The following CACNA1E variants were observed in gnomAD, a reference collection of about 807,000 sequenced individuals.
The protein encoded by CACNA1E is calcium voltage-gated channel subunit alpha1 E.
In CACNA1E, 40 loss-of-function variants were observed where a neutral mutation model predicts 259.2. The ratio of observed to expected loss-of-function variants is 0.15; its 90% confidence interval spans 0.12 to 0.20. CACNA1E has a LOEUF of 0.20. CACNA1E is among the 10% of genes least tolerant of loss of function. CACNA1E has a pLI of 1.00. For synonymous variants in CACNA1E, 1,104 were observed against 1,138.5 expected, an observed-to-expected ratio of 0.97 and a Z score of 0.61; for missense variants, 1,874 against 3,040.1, an observed-to-expected ratio of 0.62 and a Z score of 9.02.
chr1:181,724,447 C>T (rs541302390), intron 16 of CACNA1E, 23 bp from the exon 17 acceptor site: 12 of 1,605,472 alleles, frequency 7.5e-6, no homozygotes, highest in Middle Eastern at 1.7e-4. Flanking sequence ...TCTTATTTGC[C>T]CATCCTTAAT....
At chr1:181,528,155 G>A (rs1323163914) in intron 3 of CACNA1E, among the ~76,000 whole-genome samples, 1 of 149,338 alleles carries the variant, frequency 6.7e-6, no homozygotes, top group African/African-American at 2.5e-5. Flanking sequence ...GGTGGGGGGG[G>A]CAGTAATTGA....
intron 1 of CACNA1E, among the ~76,000 whole-genome samples, chr1:181,401,823 T>TA (rs1272091514): frequency 6.6e-6 from 1 of 152,232 alleles, no homozygotes; most frequent in South Asian, 2.1e-4. Flanking sequence ...TTATGCCTGC[T>TA]AGCAGAGGCC....
chr1:181,566,476 G>A (rs1302058190), intron 3 of CACNA1E, among the ~76,000 whole-genome samples: 1 of 152,280 alleles, frequency 6.6e-6, no homozygotes, highest in East Asian at 1.9e-4. Context: ...AATAATCAGG[G>A]ACTTTCTCAG....
chr1:181,772,539 T>TTAAG (rs1558373060), intron 37 of CACNA1E, among the ~76,000 whole-genome samples: 1 of 152,324 alleles, frequency 6.6e-6, no homozygotes, highest in East Asian at 1.9e-4. Flanking sequence ...GTGAGCATAT[T>TTAAG]TAAGTGCATT....
chr1:181,488,980 TA>T, intron 1 of CACNA1E, among the ~76,000 whole-genome samples: 1 of 152,250 alleles, frequency 6.6e-6, no homozygotes, highest in African/African-American at 2.4e-5. Context: ...TTAGTGAAAA[TA>T]AAACTGAGTG....
At chr1:181,789,746 A>C (rs1661134480) in intron 43 of CACNA1E, among the ~76,000 whole-genome samples, 1 of 152,230 alleles carries the variant, frequency 6.6e-6, no homozygotes. Flanking sequence ...GTGGTTTAAT[A>C]ACAAGCCTAC....
At chr1:181,480,916 T>C (rs998695501), upstream of CACNA1E, among the ~76,000 whole-genome samples, 2 of 152,196 alleles carry the variant, frequency 1.3e-5, no homozygotes, top group African/African-American at 4.8e-5. Flanking sequence ...ACTTCTCTAA[T>C]GATTTGAATG....
chr1:181,504,503 C>T (rs373691688), intron 1 of CACNA1E, among the ~76,000 whole-genome samples: 1 of 152,178 alleles, frequency 6.6e-6, no homozygotes, highest in East Asian at 1.9e-4. Flanking sequence ...GCATGTTTGC[C>T]TGGGGACACC....
At chr1:181,559,331 A>G (rs1225534056) in intron 3 of CACNA1E, among the ~76,000 whole-genome samples, 1 of 152,236 alleles carries the variant, frequency 6.6e-6, no homozygotes, top group Non-Finnish European at 1.5e-5. Context: ...GGAAATGCCC[A>G]GCAGAGTACC....
chr1:181,325,629 C>T (rs1163783604), intron 1 of CACNA1E, among the ~76,000 whole-genome samples: 1 of 140,880 alleles, frequency 7.1e-6, no homozygotes, highest in East Asian at 2.2e-4. Flanking sequence ...GTGCCAGAAA[C>T]TAGTTTTTTA....
intron 1 of CACNA1E, among the ~76,000 whole-genome samples, chr1:181,402,977 T>C (rs536447061): frequency 9.2e-5 from 14 of 152,242 alleles, no homozygotes; most frequent in Non-Finnish European, 1.3e-4. Context: ...ACTTACCCAA[T>C]AGGTTGGTTA....
chr1:181,410,961 C>T (rs1473989962), intron 1 of CACNA1E, among the ~76,000 whole-genome samples: 4 of 152,224 alleles, frequency 2.6e-5, no homozygotes, highest in Non-Finnish European at 5.9e-5. Flanking sequence ...GGGCCCAGTA[C>T]AGCTCCCAAC....
intron 6 of CACNA1E, among the ~76,000 whole-genome samples, chr1:181,601,857 C>T (rs921951543): frequency 3.3e-5 from 5 of 152,318 alleles, no homozygotes; most frequent in Admixed American, 3.3e-4. Flanking sequence ...CTACAGGGCC[C>T]TCCATGATCT....
rs147705015 is a variant in CACNA1E at position 181,640,391 on chromosome 1, A to G, written c.952-10947A>G. On this transcript the variant is annotated intron_variant, in intron 6 of 47. Transcript: ENST00000367573. ...GCTGTCTTGGGTTCTGGAGATACAAAGACTTACAAGCCATGGTTCCTTGCT... is the reference window on the plus strand; with the variant it reads ...GCTGTCTTGGGTTCTGGAGATACAAGGACTTACAAGCCATGGTTCCTTGCT... 7.9e-5 allele frequency among the ~76,000 whole-genome samples: 12 copies of G among 152,344 alleles called. No homozygotes were observed. In the East Asian group the frequency reaches 1.9e-3, roughly 24 times the overall value.
rs116043132 is a variant in CACNA1E, at chr1:181,458,275, C to T, written c.435-25469C>T. Among the ~76,000 whole-genome samples, 740 of 152,278 alleles carry T rather than the reference C, an allele frequency of 4.9e-3. 2 individuals are homozygous for T. The highest frequency in any genetic ancestry group is 0.015 in the African/African-American group (618 of 41,552). ...TATGGGTGACTTCAGGCTGGTGCTT[C>T]GGGGACTCCTGGTGTTACAGACCAC... is the stretch of plus-strand genomic sequence containing the variant. On this transcript the variant is annotated intron_variant, in intron 2 of 11. Transcript: ENST00000524607.
Position 181,490,543 on chromosome 1 carries a change from G to GGT in CACNA1E, c.266+6533_266+6534insGT, listed in dbSNP as rs1553260168. Among the ~76,000 whole-genome samples the GGT allele has an allele frequency of 1.9e-3, 243 of 125,288 alleles. 2 individuals carry two copies. Among genetic ancestry groups the GGT allele is most frequent in the African/African-American group, 5.1e-3 (168 of 32,814 alleles). 82.2% of individuals were successfully genotyped at this position (125,288 alleles called of 152,430 possible). A position where few individuals can be genotyped will look rare whatever the true frequency, so the allele number is the denominator to read the frequency against. On this transcript the variant is annotated intron_variant, in intron 1 of 47. Coordinates refer to ENST00000367573, the MANE Select transcript of CACNA1E (RefSeq NM_001205293.3). The stretch of plus-strand genomic sequence containing the variant: ...CCTGCCTGGCACCTGTGCCAAGCAT[G>GGT]TTTTTTTTTTTTTTTTTTGCCTGTG...
chr1:181,748,918 G>T (rs1437823295), intron 25 of CACNA1E, among the ~76,000 whole-genome samples: 1 of 152,128 alleles, frequency 6.6e-6, no homozygotes, highest in South Asian at 2.1e-4. Flanking sequence ...GATGAATAAA[G>T]ATGTGTTTGG....
intron 6 of CACNA1E, among the ~76,000 whole-genome samples, chr1:181,635,728 C>T (rs1164730547): frequency 1.3e-5 from 2 of 152,210 alleles, no homozygotes; most frequent in African/African-American, 4.8e-5. Flanking sequence ...AACAACTGCG[C>T]TAGACTATGT....
At chr1:181,332,473 T>C (rs1651361864) in intron 1 of CACNA1E, among the ~76,000 whole-genome samples, 1 of 152,196 alleles carries the variant, frequency 6.6e-6, no homozygotes, top group African/African-American at 2.4e-5. Flanking sequence ...GCTTGTTAAG[T>C]GTGTATAATA....
Sources: gnomAD v4.1 joint callset for allele counts (sites outside exome capture counted in the v4.1 genomes callset) on GRCh38, gnomAD v4.1.1 for gene constraint, MANE v1.5 for transcripts, NCBI Gene and HGNC (gene_info 2026-07-23, HGNC 2026-07-21) for gene names.